Variants in SLC3A1 observed in about 807,000 individuals in gnomAD.
SLC3A1 encodes amino acid transporter heavy chain SLC3A1.
SLC3A1 carries 78 observed loss-of-function variants against 60.3 expected under a neutral mutation model. The ratio of observed to expected loss-of-function variants is 1.29; its 90% CI spans 1.08 to 1.56. The LOEUF is 1.56. Among genes scored for constraint, SLC3A1 ranks in the 40% most tolerant of loss-of-function variants. The pLI is 0.00. For missense variants in SLC3A1, 1,172 were observed against 858.9 expected, an observed-to-expected ratio of 1.36 and a Z score of -4.56; for synonymous variants, 392 against 307.9, an observed-to-expected ratio of 1.27 and a Z score of -2.86.
intron 7 of SLC3A1, among the ~76,000 whole-genome samples, chr2:44,309,494 TG>T (rs146386997): frequency 0.08 from 12,222 of 152,310 alleles, 574 homozygotes; most frequent in Non-Finnish European, 0.11. Context: ...TTTTGGCTGT[TG>T]GAATAATGTT....
Position 44,280,805 on chromosome 2 carries a change from A to C in SLC3A1, c.520A>C (p.Arg174=). ...SFYKSSLKDF[R]YGVEDFREVD... Reference sequence around the variant, plus strand: ...TTATAAATCGTCCCTTAAAGATTTCAGATATGGTGTTGAAGATTTCCGGGA... The same window carrying C: ...TTATAAATCGTCCCTTAAAGATTTCCGATATGGTGTTGAAGATTTCCGGGA... Residue 174 remains arginine, a synonymous_variant, in exon 2 of 10, where the codon AGA becomes CGA. Coordinates refer to ENST00000260649, the MANE Select transcript of SLC3A1 (RefSeq NM_000341.4). 6.2e-7 allele frequency: 1 copy of C among 1,613,418 alleles called. No homozygotes were observed. The highest frequency in any genetic ancestry group is 8.5e-7 in the Non-Finnish European group (1 of 1,179,298).
At chr2:44,283,987 G>T (rs1671555446) in intron 3 of SLC3A1, among the ~76,000 whole-genome samples, 1 of 152,116 alleles carries the variant, frequency 6.6e-6, no homozygotes, top group Non-Finnish European at 1.5e-5. Flanking sequence ...CCACTCTTCA[G>T]TTGATGGGAA....
intron 4 of SLC3A1, among the ~76,000 whole-genome samples, chr2:44,294,761 G>A (rs915084429): frequency 2.6e-5 from 4 of 152,132 alleles, no homozygotes; most frequent in East Asian, 1.9e-4. Context: ...TTCTGAACAT[G>A]AGTAGGGTCA....
At chr2:44,295,756 G>A (rs1408597564) in intron 4 of SLC3A1, among the ~76,000 whole-genome samples, 1 of 152,178 alleles carries the variant, frequency 6.6e-6, no homozygotes, top group Non-Finnish European at 1.5e-5. Flanking sequence ...TTTATTTTAG[G>A]AAATCAGTGC....
intron 3 of SLC3A1, 134 bp from the exon 4 acceptor site, chr2:44,285,898 C>T: frequency 8.5e-7 from 1 of 1,170,110 alleles, no homozygotes; most frequent in Non-Finnish European, 1.3e-6. Context: ...GTTTCTTTAA[C>T]CTGCTGCTCT....
chr2:44,285,107 A>G (rs1671583435), intron 3 of SLC3A1: 1 of 151,804 alleles, frequency 6.6e-6, no homozygotes, highest in South Asian at 2.1e-4. Flanking sequence ...TGTATTCTGG[A>G]TACTGATTTT....
At chr2:44,283,402 T>C (rs1671544146) in intron 3 of SLC3A1, among the ~76,000 whole-genome samples, 1 of 152,208 alleles carries the variant, frequency 6.6e-6, no homozygotes. Flanking sequence ...ACAAAATACT[T>C]ACTCTGTGCC....
intron 9 of SLC3A1, 83 bp from the exon 10 acceptor site, chr2:44,320,116 A>T: frequency 7.9e-7 from 1 of 1,264,980 alleles, no homozygotes; most frequent in East Asian, 2.5e-5. Flanking sequence ...TTTTGGGTAA[A>T]TAACTCCTTA....
chr2:44,317,523 T>C (rs1020080773), intron 9 of SLC3A1: 4 of 151,924 alleles, frequency 2.6e-5, no homozygotes, highest in African/African-American at 9.7e-5. Context: ...TTAGCTGCCA[T>C]ATTGGATGGC....
At chr2:44,293,834 A>T (rs1029026422) in intron 4 of SLC3A1, among the ~76,000 whole-genome samples, 1 of 152,222 alleles carries the variant, frequency 6.6e-6, no homozygotes, top group African/African-American at 2.4e-5. Flanking sequence ...TGACCTTGTC[A>T]AAGGCACATC....
At chr2:44,295,528 C>G (rs1305090973) in intron 4 of SLC3A1, among the ~76,000 whole-genome samples, 1 of 152,128 alleles carries the variant, frequency 6.6e-6, no homozygotes, top group African/African-American at 2.4e-5. Flanking sequence ...CAAGAGCAAA[C>G]TTTGGATTAT....
At position 44,275,569 on chromosome 2, in the gene SLC3A1, G is replaced by C. The variant is rs553710376; in HGVS notation, c.34G>C (p.Glu12Gln). The C allele has an allele frequency of 9.9e-6, 16 of 1,614,034 alleles. No homozygotes were observed. The highest frequency in any genetic ancestry group is 1.6e-4 in the Middle Eastern group (1 of 6,084). The change falls in exon 1 of 10, where the codon GAG becomes CAG. Residue 12 changes from glutamate (E) to glutamine (Q), a missense_variant. Coordinates refer to ENST00000260649, the MANE Select transcript of SLC3A1 (RefSeq NM_000341.4). ...AEDKSKRDSI[E>Q]MSMKGCQTNN... is the part of the protein sequence containing the mutation. ...AGATAAAAGCAAGAGAGACTCCATC[G>C]AGATGAGTATGAAGGGATGCCAGAC... is the stretch of plus-strand genomic sequence containing the variant.
intron 6 of SLC3A1, among the ~76,000 whole-genome samples, chr2:44,302,429 T>C (rs374052467): frequency 1.3e-5 from 2 of 152,298 alleles, no homozygotes; most frequent in South Asian, 4.2e-4. Context: ...ATTAAAGAAA[T>C]TTCATCTCCT....
At chr2:44,306,067 GGTTT>G (rs573467057) in intron 7 of SLC3A1, among the ~76,000 whole-genome samples, 76 of 152,160 alleles carry the variant, frequency 5.0e-4, no homozygotes, top group Admixed American at 1.8e-3. Flanking sequence ...TCAGGCTCAG[GGTTT>G]GTTTGTTACT....
rs1001363147 is a variant in SLC3A1 at position 44,321,015 on chromosome 2, C to T, written c.*376C>T. ...CACAGTGTCTAAAAGCATTTGCTAGCAAAGAGGCAGGACACTAATTTGTAA... is the reference window on the plus strand; with the variant it reads ...CACAGTGTCTAAAAGCATTTGCTAGTAAAGAGGCAGGACACTAATTTGTAA... On this transcript the variant is annotated 3_prime_UTR_variant, in exon 10 of 10. Transcript: ENST00000260649. 1.8e-5 allele frequency: 7 copies of T among 381,734 alleles called. No homozygotes were observed. Among genetic ancestry groups the T allele is most frequent in the Non-Finnish European group, 2.4e-5 (5 of 207,970 alleles). The allele number at this position is 381,734 out of a possible 1,614,324, so 23.6% of individuals were successfully genotyped here.
At chr2:44,305,427 CTTTT>C (rs139686441) in intron 7 of SLC3A1, among the ~76,000 whole-genome samples, 14 of 115,876 alleles carry the variant, frequency 1.2e-4, no homozygotes, top group African/African-American at 2.3e-4. Context: ...TCTTTTCTTA[CTTTT>C]TTTTTTTTTT....
intron 7 of SLC3A1, among the ~76,000 whole-genome samples, chr2:44,307,937 A>G (rs1036370048): frequency 2.0e-5 from 3 of 152,190 alleles, no homozygotes; most frequent in African/African-American, 7.2e-5. Context: ...TAAAAAGACT[A>G]TTCTTTGCTT....
chr2:44,319,840 T>C (rs1017122413), intron 9 of SLC3A1: 2 of 202,192 alleles, frequency 9.9e-6, no homozygotes, highest in African/African-American at 4.7e-5. Flanking sequence ...TCTGGCCATC[T>C]GGCAGTTACA....
At chr2:44,284,446 AG>A (rs1340284122) in intron 3 of SLC3A1, among the ~76,000 whole-genome samples, 1 of 152,218 alleles carries the variant, frequency 6.6e-6, no homozygotes, top group African/African-American at 2.4e-5. Context: ...TCAGCTCTAC[AG>A]GATAGTGTCA....
Sources: allele counts gnomAD v4.1 joint callset (sites outside exome capture counted in the v4.1 genomes callset), GRCh38; gene constraint gnomAD v4.1.1; transcripts MANE v1.5; gene names NCBI Gene and HGNC (gene_info 2026-07-23, HGNC 2026-07-21).